The following PYY variants were observed in gnomAD, a reference collection of about 807,000 sequenced individuals.
PYY encodes peptide tyrosine tyrosine.
Under a neutral mutation model 10.3 loss-of-function variants are expected in PYY, and 12 were observed. The observed-to-expected ratio is 1.17, with a 90% confidence interval of 0.75 to 1.89. The LOEUF (loss-of-function observed/expected upper bound fraction) is 1.89. PYY is among the 40% of genes most tolerant of loss of function. PYY has a pLI of 0.00. For synonymous variants in PYY, 66 were observed against 62.0 expected (o/e 1.06, Z -0.30); for missense variants, 141 against 134.0 (o/e 1.05, Z -0.26).
intron 1 of PYY, among the ~76,000 whole-genome samples, chr17:43,976,397 GTATATACATATTCATGTATACATATACA>G (rs1567932444): frequency 1.5e-5 from 2 of 136,298 alleles, no homozygotes; most frequent in African/African-American, 5.5e-5. Flanking sequence ...ATACATATAC[GTATATACATATTCATGTATACATATACA>G]TATATACACA....
intron 1 of PYY, among the ~76,000 whole-genome samples, chr17:43,989,889 T>C (rs2048944847): frequency 2.4e-5 from 1 of 42,406 alleles, no homozygotes; most frequent in African/African-American, 1.0e-4. Flanking sequence ...TATATATATA[T>C]ATATATATAT....
intron 1 of PYY, among the ~76,000 whole-genome samples, chr17:43,970,052 T>C (rs905717795): frequency 2.0e-5 from 3 of 151,756 alleles, no homozygotes; most frequent in Non-Finnish European, 4.4e-5. Flanking sequence ...AAAAGTTTTT[T>C]TAATTTGTTG....
intron 1 of PYY, among the ~76,000 whole-genome samples, chr17:43,992,262 T>C (rs1304329668): frequency 6.6e-6 from 1 of 151,964 alleles, no homozygotes; most frequent in Non-Finnish European, 1.5e-5. Flanking sequence ...CATATATAAA[T>C]TGGATGATAA....
At chr17:43,968,821 A>G (rs1365753217) in intron 1 of PYY, among the ~76,000 whole-genome samples, 3 of 151,244 alleles carry the variant, frequency 2.0e-5, no homozygotes, top group African/African-American at 7.3e-5. Context: ...CTAAATAAAT[A>G]AATAAGCCGA....
intron 1 of PYY, among the ~76,000 whole-genome samples, chr17:43,976,288 T>TACAC (rs1567932299): frequency 4.8e-5 from 2 of 41,290 alleles, no homozygotes; most frequent in African/African-American, 2.6e-4. Context: ...TATACGCATA[T>TACAC]GTATACATGT....
At chr17:43,981,679 G>A (rs912078639) in intron 1 of PYY, among the ~76,000 whole-genome samples, 12 of 152,054 alleles carry the variant, frequency 7.9e-5, no homozygotes, top group South Asian at 2.1e-4. Flanking sequence ...TAGTAGAGAC[G>A]GGGTTTCACC....
At chr17:43,966,744 T>C (rs959474649) in intron 1 of PYY, among the ~76,000 whole-genome samples, 5 of 152,212 alleles carry the variant, frequency 3.3e-5, no homozygotes, top group Non-Finnish European at 5.9e-5. Context: ...ACTACTAGAA[T>C]GGAGGCTCCA....
intron 1 of PYY, among the ~76,000 whole-genome samples, chr17:43,973,033 C>T (rs1279751691): frequency 6.6e-6 from 1 of 151,912 alleles, no homozygotes; most frequent in Non-Finnish European, 1.5e-5. Flanking sequence ...GAGACACGAT[C>T]TCACTATGTT....
At chr17:43,979,984 A>G (rs1420848929) in intron 1 of PYY, among the ~76,000 whole-genome samples, 2 of 152,180 alleles carry the variant, frequency 1.3e-5, no homozygotes, top group Non-Finnish European at 2.9e-5. Context: ...AAGCGCATCA[A>G]TGCAACCAGC....
intron 1 of PYY, among the ~76,000 whole-genome samples, chr17:43,975,723 A>T (rs1212810483): frequency 1.7e-5 from 2 of 115,262 alleles, no homozygotes; most frequent in African/African-American, 9.0e-5. Context: ...CTGAAAAAAA[A>T]AAATATATAT....
upstream of PYY, chr17:43,958,135 C>CAAAAAAAAAAAAAAAAAAAAAAAAAAAAA (rs10661189): frequency 2.7e-3 from 129 of 47,248 alleles, 25 homozygotes; most frequent in South Asian, 3.6e-3. Context: ...CTGAATACAC[C>CAAAAAAAAAAAAAAAAAAAAAAAAAAAAA]AAAAAAAAAA....
At chr17:43,957,196 CAAAAAAAAAAAA>C (rs60997602), upstream of PYY, among the ~76,000 whole-genome samples, 68 of 66,636 alleles carry the variant, frequency 1.0e-3, no homozygotes, top group African/African-American at 3.1e-3. Context: ...AAACTGTCTC[CAAAAAAAAAAAA>C]AAAAAAAAGT....
At chr17:44,003,232 C>T (rs2049042410) in intron 1 of PYY, among the ~76,000 whole-genome samples, 1 of 152,070 alleles carries the variant, frequency 6.6e-6, no homozygotes, top group South Asian at 2.1e-4. Flanking sequence ...GGGGTTTCAC[C>T]ATGTTGGCCA....
At chr17:43,954,320 G>A (rs942606365), upstream of PYY, among the ~76,000 whole-genome samples, 2 of 152,042 alleles carry the variant, frequency 1.3e-5, no homozygotes, top group African/African-American at 4.8e-5. Flanking sequence ...GGGGTGGGAG[G>A]GTGGACACAT....
intron 1 of PYY, among the ~76,000 whole-genome samples, chr17:43,984,067 C>T (rs2048900290): frequency 1.3e-5 from 2 of 152,224 alleles, no homozygotes; most frequent in African/African-American, 2.4e-5. Flanking sequence ...CCTTATCGCC[C>T]GCGTTTATCG....
chr17:43,972,191 T>TTTTATTTATTTATTTA (rs3080250), intron 1 of PYY, among the ~76,000 whole-genome samples: 36 of 138,226 alleles, frequency 2.6e-4, no homozygotes, highest in Non-Finnish European at 2.6e-4. Flanking sequence ...TTTTATTTTA[T>TTTTATTTATTTATTTA]TTTATTTATT....
chr17:43,954,236 C>G (rs990743009), upstream of PYY, among the ~76,000 whole-genome samples: 2 of 152,152 alleles, frequency 1.3e-5, no homozygotes, highest in African/African-American at 2.4e-5. Flanking sequence ...GCGGTTGGAT[C>G]TAGACTCCTG....
exon 2 of PYY, chr17:43,966,375 T>C (rs1437283069): frequency 1.3e-5 from 2 of 152,822 alleles, no homozygotes; most frequent in Non-Finnish European, 2.9e-5. Flanking sequence ...GGTGACTGAG[T>C]TGGAAATCTT....
upstream of PYY, among the ~76,000 whole-genome samples, chr17:43,956,425 G>GC (rs200333786): frequency 3.9e-5 from 6 of 151,920 alleles, no homozygotes; most frequent in African/African-American, 1.5e-4. Context: ...GCCACCCCCC[G>GC]ATCCACACAC....
Sources: gnomAD v4.1 joint callset for allele counts (sites outside exome capture counted in the v4.1 genomes callset) on GRCh38, gnomAD v4.1.1 for gene constraint, MANE v1.5 for transcripts, NCBI Gene and HGNC (gene_info 2026-07-23, HGNC 2026-07-21) for gene names.